PTGIS: variants seen among roughly 807,000 people sequenced by gnomAD.
The protein encoded by PTGIS is prostacyclin synthase.
In PTGIS, 45 loss-of-function variants were observed where a neutral mutation model predicts 50.3. The observed-to-expected ratio is 0.90, with a 90% CI of 0.70 to 1.15. The LOEUF (loss-of-function observed/expected upper bound fraction) is 1.15, where lower values mean the gene tolerates loss of function less well. PTGIS is among the 50% of genes most tolerant of loss of function. The pLI is 0.00. For synonymous variants in PTGIS, 260 were observed against 267.7 expected (o/e 0.97, Z 0.28); for missense variants, 668 against 661.3 (o/e 1.01, Z -0.11).
intron 3 of PTGIS, among the ~76,000 whole-genome samples, chr20:49,545,774 AC>A (rs1014821847): frequency 6.6e-6 from 1 of 151,944 alleles, no homozygotes; most frequent in African/African-American, 2.4e-5. Context: ...CAACAGCAAC[AC>A]CTAGTGGCAG....
chr20:49,510,395 G>A (rs984376474), intron 9 of PTGIS, among the ~76,000 whole-genome samples: 1 of 152,138 alleles, frequency 6.6e-6, no homozygotes, highest in African/African-American at 2.4e-5. Context: ...CCAGACAGTG[G>A]GTTAAGAACT....
At chr20:49,551,515 A>G (rs1442269647) in intron 1 of PTGIS, among the ~76,000 whole-genome samples, 1 of 152,114 alleles carries the variant, frequency 6.6e-6, no homozygotes. Context: ...CCCCACATCA[A>G]GTTGTCCTGT....
chr20:49,516,558 TAGA>T (rs1288561059), intron 6 of PTGIS, among the ~76,000 whole-genome samples: 1 of 152,066 alleles, frequency 6.6e-6, no homozygotes, highest in African/African-American at 2.4e-5. Flanking sequence ...TTAAACCAAA[TAGA>T]AGGTTAGATT....
chr20:49,555,082 C>T (rs867998744), intron 1 of PTGIS, among the ~76,000 whole-genome samples: 1 of 151,908 alleles, frequency 6.6e-6, no homozygotes, highest in African/African-American at 2.4e-5. Context: ...ACCAGCCTGG[C>T]CAACATGGTG....
intron 5 of PTGIS, among the ~76,000 whole-genome samples, chr20:49,529,956 T>G (rs115219817): frequency 0.024 from 3,666 of 151,874 alleles, 129 homozygotes; most frequent in African/African-American, 0.079. Flanking sequence ...GGAGTTCGAG[T>G]CCAGTATGAC....
chr20:49,525,178 G>A (rs1981763872), intron 5 of PTGIS, among the ~76,000 whole-genome samples: 1 of 152,178 alleles, frequency 6.6e-6, no homozygotes, highest in African/African-American at 2.4e-5. Context: ...AAAGAGAGAC[G>A]GGCCAGAAAG....
intron 6 of PTGIS, among the ~76,000 whole-genome samples, chr20:49,522,057 C>T (rs936367896): frequency 1.3e-5 from 2 of 152,002 alleles, no homozygotes; most frequent in African/African-American, 2.4e-5. Context: ...GCCCCCATCT[C>T]GCCCAGAGAA....
Position 49,548,003 on chromosome 20 carries a change from C to G in PTGIS, c.215G>C (p.Arg72Thr). ...TGGGTCCAGGAGAACGGTGACATAC[C>G]TGCCCCCAACCAGTATCTGTGGGAA... The part of the protein sequence containing the change: ...GDIFTILVGG[R>T]YVTVLLDPHS... Residue 72 changes from arginine (R) to threonine (T), a missense_variant, in exon 3 of 10, where the codon AGG becomes ACG. Transcript: ENST00000244043. 6.2e-7 allele frequency: 1 copy of G among 1,614,020 alleles called. No homozygotes were observed. Among genetic ancestry groups the G allele is most frequent in the Non-Finnish European group, 8.5e-7 (1 of 1,179,964 alleles).
chr20:49,552,050 T>C (rs1395220700), intron 1 of PTGIS, among the ~76,000 whole-genome samples: 3 of 152,166 alleles, frequency 2.0e-5, no homozygotes, highest in African/African-American at 7.2e-5. Context: ...GCCAGACTCC[T>C]TCTGGGGAGA....
At chr20:49,524,313 T>C (rs1338814977) in intron 5 of PTGIS, 74 bp from the exon 6 acceptor site, 9 of 1,530,862 alleles carry the variant, frequency 5.9e-6, no homozygotes, top group Non-Finnish European at 8.0e-6. Context: ...AGGCATGACC[T>C]CCCATGAGGC....
At chr20:49,543,934 A>C (rs76475284) in intron 4 of PTGIS, among the ~76,000 whole-genome samples, 1 of 152,194 alleles carries the variant, frequency 6.6e-6, no homozygotes, top group Non-Finnish European at 1.5e-5. Context: ...TTTAACATAC[A>C]TTTACAAGAC....
chr20:49,547,979 G>A lies in PTGIS; in HGVS notation c.239C>T (p.Pro80Leu). 6.2e-7 allele frequency: 1 copy of A among 1,614,118 alleles called. No homozygotes were observed. The highest frequency in any genetic ancestry group is 8.5e-7 in the Non-Finnish European group (1 of 1,180,012). The change falls in exon 3 of 10, where the codon CCA becomes CTA. Residue 80 changes from proline (P) to leucine (L), a missense_variant. Physicochemically the swap from Pro to Leu is moderately conservative, Grantham distance 98 (BLOSUM62 -3). Transcript: ENST00000244043. ...CCACACCACCGCGTCGTAGGAGTGT[G>A]GGTCCAGGAGAACGGTGACATACCT... ...GGRYVTVLLDPHSYDAVVWEP... is the reference protein window; with the variant it reads ...GGRYVTVLLDLHSYDAVVWEP...
At chr20:49,512,783 G>A (rs1395543033) in intron 8 of PTGIS, among the ~76,000 whole-genome samples, 1 of 152,148 alleles carries the variant, frequency 6.6e-6, no homozygotes, top group Non-Finnish European at 1.5e-5. Flanking sequence ...GACTCCAAGA[G>A]AAGCTGTGAA....
intron 1 of PTGIS, among the ~76,000 whole-genome samples, chr20:49,561,862 C>T (rs1323777000): frequency 6.6e-6 from 1 of 152,198 alleles, no homozygotes; most frequent in Non-Finnish European, 1.5e-5. Flanking sequence ...CACCATTTAC[C>T]TAGTGCCAAC....
At position 49,568,117 on chromosome 20, in the gene PTGIS, C is replaced by CGCGGGACTG; in HGVS notation, c.-2_-1insCAGTCCCGC. ...GGCCGAGGAGCGCGGCCCAAGCCATCGCGGGGCTGGCGGGGCTGGCGGGGC... is the reference window on the plus strand; with the variant it reads ...GGCCGAGGAGCGCGGCCCAAGCCATCGCGGGACTGGCGGGGCTGGCGGGGCTGGCGGGGC... On this transcript the variant is annotated 5_prime_UTR_variant, in exon 1 of 10. Transcript: ENST00000244043. 1 of 784,884 alleles carries CGCGGGACTG rather than the reference C, an allele frequency of 1.3e-6. No homozygotes were observed. Among genetic ancestry groups the CGCGGGACTG allele is most frequent in the Non-Finnish European group, 1.8e-6 (1 of 569,000 alleles). The allele number at this position is 784,884 out of a possible 1,614,324, so 48.6% of individuals were successfully genotyped here.
chr20:49,567,336 GACATCTGACCCTGGCTCCGTTCT>G (rs2122915977), intron 1 of PTGIS, among the ~76,000 whole-genome samples: 1 of 152,340 alleles, frequency 6.6e-6, no homozygotes, highest in East Asian at 1.9e-4. Context: ...AGGAGGCTGT[GACATCTGACCCTGGCTCCGTTCT>G]GTCCAGGCTG....
chr20:49,509,478 G>A (rs1246908979), intron 9 of PTGIS, among the ~76,000 whole-genome samples: 1 of 152,128 alleles, frequency 6.6e-6, no homozygotes, highest in Non-Finnish European at 1.5e-5. Context: ...AATGCCAGTC[G>A]GTTCTGCTCT....
chr20:49,516,043 GT>G (rs10596062), intron 6 of PTGIS, among the ~76,000 whole-genome samples: 13,414 of 141,064 alleles, frequency 0.095, 1,951 homozygotes, highest in African/African-American at 0.32. Context: ...ACCCAGCTAG[GT>G]TTTTTTTTTT....
chr20:49,514,484 G>C, intron 6 of PTGIS, 89 bp from the exon 7 acceptor site: 1 of 1,474,278 alleles, frequency 6.8e-7, no homozygotes, highest in East Asian at 2.4e-5. Context: ...AGACAGAGGG[G>C]CCAGTAGGCC....
Sources: allele counts gnomAD v4.1 joint callset (sites outside exome capture counted in the v4.1 genomes callset), GRCh38; gene constraint gnomAD v4.1.1; transcripts MANE v1.5; gene names NCBI Gene and HGNC (gene_info 2026-07-23, HGNC 2026-07-21).